Variants in CAMKMT observed in about 807,000 individuals in gnomAD.
CAMKMT encodes the protein CaM KMT.
Under a neutral mutation model 48.0 loss-of-function variants are expected in CAMKMT, and 53 were observed. The observed-to-expected ratio is 1.10, with a 90% CI of 0.89 to 1.39. The LOEUF (loss-of-function observed/expected upper bound fraction) is 1.39. Among genes scored for constraint, CAMKMT ranks in the 40% most tolerant of loss-of-function variants. The pLI is 0.00. For missense variants in CAMKMT, 428 were observed against 402.7 expected (o/e 1.06, Z -0.54); for synonymous variants, 165 against 152.3 (o/e 1.08, Z -0.61).
intron 3 of CAMKMT, among the ~76,000 whole-genome samples, chr2:44,431,854 G>C (rs531215313): frequency 2.6e-5 from 4 of 152,310 alleles, no homozygotes; most frequent in Admixed American, 1.3e-4. Context: ...ACTAGTCTAA[G>C]ATGTTAGCTC....
intron 3 of CAMKMT, among the ~76,000 whole-genome samples, chr2:44,477,906 T>A (rs1330099937): frequency 2.0e-5 from 3 of 152,198 alleles, no homozygotes; most frequent in Non-Finnish European, 4.4e-5. Flanking sequence ...CAAAGCTACT[T>A]CACACAAAGG....
chr2:44,616,015 A>C (rs963398166), intron 3 of CAMKMT, among the ~76,000 whole-genome samples: 1 of 152,144 alleles, frequency 6.6e-6, no homozygotes, highest in Admixed American at 6.5e-5. Context: ...GAAACTCTCC[A>C]TCCAGCCAAC....
At chr2:44,453,934 A>C (rs1163030759) in intron 3 of CAMKMT, among the ~76,000 whole-genome samples, 3 of 152,094 alleles carry the variant, frequency 2.0e-5, no homozygotes, top group Non-Finnish European at 2.9e-5. Flanking sequence ...TAGTCTTTGG[A>C]AATGGATATA....
At chr2:44,621,940 TGAAATAC>T (rs1301400128) in intron 3 of CAMKMT, among the ~76,000 whole-genome samples, 1 of 152,184 alleles carries the variant, frequency 6.6e-6, no homozygotes, top group Non-Finnish European at 1.5e-5. Flanking sequence ...AGTAATGGAT[TGAAATAC>T]ATGAATTCAA....
Position 44,558,761 on chromosome 2 carries a change from A to G in CAMKMT, c.377-145522A>G, listed in dbSNP as rs879525068. Among the ~76,000 whole-genome samples, 5 of 152,310 alleles carry G rather than the reference A, an allele frequency of 3.3e-5. No homozygotes were observed. In the East Asian group the frequency reaches 5.8e-4, roughly 18 times the overall value. On this transcript the variant is annotated intron_variant, in intron 3 of 10. Transcript: ENST00000378494. Reference sequence around the variant, plus strand: ...ACACACAGACTCAAAGATGAGAACAATAGACACTTGGGACTCCTGGGGTGG... The same window carrying G: ...ACACACAGACTCAAAGATGAGAACAGTAGACACTTGGGACTCCTGGGGTGG...
At position 44,408,303 on chromosome 2, in the gene CAMKMT, C is replaced by T. The variant is rs545926932; in HGVS notation, c.376+17998C>T. Among the ~76,000 whole-genome samples, 8 of 152,094 alleles carry T rather than the reference C, an allele frequency of 5.3e-5. No individual in the cohort carries two copies. In the East Asian group the frequency reaches 9.7e-4, roughly 18 times the overall value. On this transcript the variant is annotated intron_variant, in intron 3 of 10. Coordinates refer to ENST00000378494, the MANE Select transcript of CAMKMT (RefSeq NM_024766.5). The stretch of plus-strand genomic sequence containing the variant: ...CCTCCCAAAGTTCTGGGATTACAGG[C>T]GTGAGCCACCGCGCCTGGCCGTCTT...
chr2:44,629,383 T>A (rs903897037), intron 3 of CAMKMT, among the ~76,000 whole-genome samples: 23 of 152,030 alleles, frequency 1.5e-4, no homozygotes, highest in Admixed American at 1.4e-3. Flanking sequence ...TTACTGTTCA[T>A]TTATGTTTTA....
chr2:44,772,192 G>A lies in CAMKMT; in HGVS notation c.*79G>A, dbSNP rs1318365554. On this transcript the variant is annotated 3_prime_UTR_variant, in exon 11 of 11. Coordinates refer to ENST00000378494, the MANE Select transcript of CAMKMT (RefSeq NM_024766.5). ...TTACAAAAACGGAAATCTGTAAGGG[G>A]TATAATCGCCTGCCTGCGCCCTTTG... 4.1e-6 allele frequency: 5 copies of A among 1,231,010 alleles called. No individual in the cohort carries two copies. The highest frequency in any genetic ancestry group is 1.5e-5 in the African/African-American group (1 of 66,812). The allele number at this position is 1,231,010 out of a possible 1,614,324, so 76.3% of individuals were successfully genotyped here. A position where few individuals can be genotyped will look rare whatever the true frequency, so the allele number is the denominator to read the frequency against.
At chr2:44,736,931 G>A (rs975679660) in intron 7 of CAMKMT, among the ~76,000 whole-genome samples, 8 of 152,060 alleles carry the variant, frequency 5.3e-5, no homozygotes, top group South Asian at 2.1e-4. Flanking sequence ...TGTAATGCCC[G>A]TGTCTGCTAA....
chr2:44,762,928 G>A (rs972268616), intron 9 of CAMKMT, among the ~76,000 whole-genome samples: 3 of 152,212 alleles, frequency 2.0e-5, no homozygotes, highest in Non-Finnish European at 4.4e-5. Flanking sequence ...AGAAAGTTGT[G>A]CTTTGGCAAA....
At chr2:44,669,086 A>G (rs1675177051) in intron 3 of CAMKMT, among the ~76,000 whole-genome samples, 1 of 151,668 alleles carries the variant, frequency 6.6e-6, no homozygotes, top group African/African-American at 2.4e-5. Flanking sequence ...CCTGACCCCC[A>G]CTTGTTTTTT....
Position 44,362,122 on chromosome 2 carries a change from G to T in CAMKMT, c.115G>T (p.Ala39Ser), listed in dbSNP as rs754294060. 7.5e-6 allele frequency: 11 copies of T among 1,475,422 alleles called. No individual in the cohort carries two copies. The South Asian group carries it at 1.2e-4, about 16-fold the overall frequency. The allele number at this position is 1,475,422 out of a possible 1,614,324, so 91.4% of individuals were successfully genotyped here. A position where few individuals can be genotyped will look rare whatever the true frequency, so the allele number is the denominator to read the frequency against. Residue 39 changes from alanine (A) to serine (S), a missense_variant, in exon 1 of 11, where the codon GCC becomes TCC. By Grantham distance (99) the Ala-to-Ser change is moderately conservative. Transcript: ENST00000378494. The stretch of plus-strand genomic sequence containing the variant: ...CGTAGTCTCGGCGCCCCTGGGAGCC[G>T]CCCGGTGGAAGCTCCTGCGGCAGGT... Reference protein sequence around the residue: ...GPVVSAPLGAARWKLLRQVLK... With the variant: ...GPVVSAPLGASRWKLLRQVLK...
At chr2:44,383,289 C>T (rs191879870) in intron 2 of CAMKMT, among the ~76,000 whole-genome samples, 9 of 152,108 alleles carry the variant, frequency 5.9e-5, no homozygotes, top group Admixed American at 3.9e-4. Flanking sequence ...CTCAGCCTCC[C>T]GAGAGGCTGG....
chr2:44,535,226 C>G (rs12473067), intron 3 of CAMKMT, among the ~76,000 whole-genome samples: 1 of 151,922 alleles, frequency 6.6e-6, no homozygotes, highest in Non-Finnish European at 1.5e-5. Flanking sequence ...AGACCAATAA[C>G]AAGTAATGAG....
At chr2:44,585,289 G>A (rs114261423) in intron 3 of CAMKMT, among the ~76,000 whole-genome samples, 135 of 152,254 alleles carry the variant, frequency 8.9e-4, no homozygotes, top group Non-Finnish European at 1.4e-3. Flanking sequence ...GTACCAGATC[G>A]ATTTAATTTC....
intron 3 of CAMKMT, among the ~76,000 whole-genome samples, chr2:44,425,113 T>C (rs1025583107): frequency 1.3e-5 from 2 of 152,154 alleles, no homozygotes; most frequent in South Asian, 4.1e-4. Flanking sequence ...TATTTTCAAA[T>C]TGCATGGACT....
At chr2:44,392,131 T>G (rs1023891445) in intron 3 of CAMKMT, 6 of 152,138 alleles carry the variant, frequency 3.9e-5, no homozygotes, top group Admixed American at 1.3e-4. Flanking sequence ...GAAGATAATA[T>G]TATTAGGATT....
intron 3 of CAMKMT, among the ~76,000 whole-genome samples, chr2:44,465,915 C>G (rs974659247): frequency 3.3e-5 from 5 of 152,006 alleles, no homozygotes; most frequent in African/African-American, 9.7e-5. Flanking sequence ...AACTTTAAGT[C>G]AAAAACTCAC....
chr2:44,556,020 G>A (rs1667986236), intron 3 of CAMKMT, among the ~76,000 whole-genome samples: 1 of 152,134 alleles, frequency 6.6e-6, no homozygotes, highest in Non-Finnish European at 1.5e-5. Context: ...GGAAAATCAA[G>A]ACATGGGGCA....
Sources: allele counts gnomAD v4.1 joint callset (sites outside exome capture counted in the v4.1 genomes callset), GRCh38; gene constraint gnomAD v4.1.1; transcripts MANE v1.5; gene names NCBI Gene and HGNC (gene_info 2026-07-23, HGNC 2026-07-21).